Variants in LOC112267897 observed in about 807,000 individuals in gnomAD.
chr13:63,746,928 G>T, the LOC112267897 span: 5 of 1,455,398 alleles, frequency 3.4e-6, no homozygotes, highest in African/African-American at 1.5e-5. Context: ...TACAGCTGTG[G>T]CTATGGCTGT....
At chr13:63,747,128 T>C in the LOC112267897 span, 5 of 1,596,342 alleles carry the variant, frequency 3.1e-6, no homozygotes, top group South Asian at 5.5e-5. Context: ...TGGATGTGGC[T>C]CTGGCTCTGG....
the LOC112267897 span, chr13:63,746,823 A>G: frequency 1.4e-6 from 2 of 1,455,882 alleles, no homozygotes; most frequent in South Asian, 2.3e-5. Flanking sequence ...TACTACGGCA[A>G]CTCCTGTGGC....
At chr13:63,747,181 T>C in the LOC112267897 span, 47 of 1,557,250 alleles carry the variant, frequency 3.0e-5, 3 homozygotes, top group African/African-American at 6.3e-4. Context: ...GATGCTATTC[T>C]TCCTGCTAAA....
At chr13:63,747,976 T>C in the LOC112267897 span, 1 of 32,338 alleles carries the variant, frequency 3.1e-5, no homozygotes, top group Non-Finnish European at 4.9e-5. Flanking sequence ...AGCTATATCA[T>C]ACAGGTTTAT....
the LOC112267897 span, chr13:63,747,066 G>A: frequency 1.8e-5 from 29 of 1,605,242 alleles, no homozygotes; most frequent in East Asian, 6.2e-4. Flanking sequence ...TGTGGCTATG[G>A]AACTGGCTTC....
the LOC112267897 span, chr13:63,747,208 A>G: frequency 6.8e-7 from 1 of 1,469,188 alleles, no homozygotes; most frequent in East Asian, 2.3e-5. Context: ...CTGTCAGAGG[A>G]CAATTTGCTT....
the LOC112267897 span, chr13:63,747,107 G>T: frequency 1.9e-6 from 3 of 1,602,944 alleles, no homozygotes; most frequent in Non-Finnish European, 1.7e-6. Flanking sequence ...TTATGGAACT[G>T]GCTATGGCTG....
the LOC112267897 span, chr13:63,746,962 T>A: frequency 1.4e-6 from 2 of 1,405,618 alleles, no homozygotes; most frequent in Non-Finnish European, 2.0e-6. Flanking sequence ...GTTATGGCTG[T>A]GGCTATGGCT....
chr13:63,747,152 C>T, the LOC112267897 span: 45 of 1,587,328 alleles, frequency 2.8e-5, 1 homozygote, highest in South Asian at 1.3e-4. Flanking sequence ...CTGTGGCTAC[C>T]GGCCATTTTG....
the LOC112267897 span, chr13:63,747,071 G>T: frequency 6.2e-6 from 10 of 1,606,126 alleles, 1 homozygote; most frequent in Non-Finnish European, 8.5e-6. Context: ...CTATGGAACT[G>T]GCTTCGGCTG....
chr13:63,746,957 G>A, the LOC112267897 span: 145 of 1,403,496 alleles, frequency 1.0e-4, 2 homozygotes, highest in Non-Finnish European at 1.3e-4. Context: ...CTCTGGTTAT[G>A]GCTGTGGCTA....
the LOC112267897 span, chr13:63,746,958 G>A: frequency 7.1e-7 from 1 of 1,408,360 alleles, no homozygotes; most frequent in Non-Finnish European, 1.0e-6. Context: ...TCTGGTTATG[G>A]CTGTGGCTAT....
the LOC112267897 span, chr13:63,746,795 G>C: frequency 2.0e-6 from 3 of 1,484,726 alleles, no homozygotes; most frequent in Non-Finnish European, 2.8e-6. Flanking sequence ...CTCTCCTCTT[G>C]ACAACATGTG....
chr13:63,747,018 G>A, the LOC112267897 span: 2 of 1,566,938 alleles, frequency 1.3e-6, no homozygotes, highest in Admixed American at 1.7e-5. Flanking sequence ...TGTGGCTATG[G>A]CTCTGGCTAC....
At chr13:63,746,819 G>A in the LOC112267897 span, 208 of 440,840 alleles carry the variant, frequency 4.7e-4, 3 homozygotes, top group East Asian at 9.7e-3. Context: ...CAACTACTAC[G>A]GCAACTCCTG....
At chr13:63,747,302 A>T in the LOC112267897 span, 2 of 702,122 alleles carry the variant, frequency 2.8e-6, no homozygotes, top group South Asian at 3.4e-5. Flanking sequence ...TGCTTGACAG[A>T]GTCTTGGACC....
the LOC112267897 span, chr13:63,747,527 A>G: frequency 1.1e-5 from 2 of 189,380 alleles, no homozygotes; most frequent in Admixed American, 1.1e-4. Flanking sequence ...AGAGTCAAAA[A>G]GCTAAAATAA....
chr13:63,746,981 G>T, the LOC112267897 span: 5 of 1,441,756 alleles, frequency 3.5e-6, no homozygotes, highest in Non-Finnish European at 4.9e-6. Flanking sequence ...CTCCAGCTAT[G>T]GCTGTGGCTA....
At chr13:63,747,006 G>A in the LOC112267897 span, 1 of 1,529,880 alleles carries the variant, frequency 6.5e-7, no homozygotes, top group African/African-American at 1.4e-5. Context: ...ACTGGCTACA[G>A]CTGTGGCTAT....
Sources: gnomAD v4.1 joint callset for allele counts on GRCh38, gnomAD v4.1.1 for gene constraint, MANE v1.5 for transcripts.